NVL: variants seen among roughly 807,000 people sequenced by gnomAD.
NVL encodes nuclear VCP like, also known as nuclear valosin-containing protein-like.
In NVL, 84 loss-of-function variants were observed where a neutral mutation model predicts 110.2. That is an observed-to-expected ratio of 0.76 (90% CI 0.64 to 0.91). The LOEUF is 0.91. Among genes scored for constraint, NVL ranks in the 40% least tolerant of loss-of-function variants. NVL has a pLI of 0.00. For missense variants in NVL, 882 were observed against 1,035.9 expected, an observed-to-expected ratio of 0.85 and a Z score of 2.04; for synonymous variants, 354 against 361.1, an observed-to-expected ratio of 0.98 and a Z score of 0.22.
rs959920773 is a variant in NVL, at chr1:224,284,222, G to A, written c.1899+1804C>T. On this transcript the variant is annotated intron_variant, in intron 15 of 22. Transcript: ENST00000281701. ...AGGTGTCAAACATGGTTACAGTCAA[G>A]ATAAACTAATCAACATTTATAAATA... Among the ~76,000 whole-genome samples, 5 of 151,952 alleles carry A rather than the reference G, an allele frequency of 3.3e-5. 1 individual carries two copies. The highest frequency in any genetic ancestry group is 1.3e-4 in the Admixed American group (2 of 15,280).
intron 6 of NVL, among the ~76,000 whole-genome samples, chr1:224,306,272 A>AT (rs976159057): frequency 5.9e-4 from 87 of 147,826 alleles, no homozygotes; most frequent in South Asian, 2.1e-3. Flanking sequence ...TTAAAAAAAA[A>AT]TTTTTTTTTT....
chr1:224,250,286 G>A lies in NVL; in HGVS notation c.2215C>T (p.Arg739Cys). 4 of 1,601,812 alleles carry A rather than the reference G, an allele frequency of 2.5e-6. No individual in the cohort carries two copies. The highest frequency in any genetic ancestry group is 2.6e-6 in the Non-Finnish European group (3 of 1,175,584). The change falls in exon 19 of 23, where the codon CGC becomes TGC. Residue 739 changes from arginine to cysteine, a missense_variant. By Grantham distance (180) the Arg-to-Cys change is radical (BLOSUM62 -3). Coordinates refer to ENST00000281701, the MANE Select transcript of NVL (RefSeq NM_002533.4). ...CCCACAAACAGTGTTTTGTCCAGGC[G>A]GCCCGGGCGCAGGATTGCAGGGTCA... ...IIDPAILRPG[R>C]LDKTLFVGLP... is the part of the protein sequence containing the mutation.
chr1:224,230,092 G>C (rs970176798), intron 22 of NVL, among the ~76,000 whole-genome samples: 4 of 152,250 alleles, frequency 2.6e-5, no homozygotes, highest in African/African-American at 9.6e-5. Context: ...TCTGCCTCCT[G>C]AGTAGCTGAG....
intron 10 of NVL, among the ~76,000 whole-genome samples, 165 bp from the exon 11 acceptor site, chr1:224,296,783 G>C (rs576399322): frequency 6.6e-6 from 1 of 152,256 alleles, no homozygotes; most frequent in East Asian, 1.9e-4. Flanking sequence ...ATTTTTACCT[G>C]ACTTAAGAGA....
At chr1:224,323,531 T>C (rs548992106) in intron 2 of NVL, among the ~76,000 whole-genome samples, 14 of 152,300 alleles carry the variant, frequency 9.2e-5, no homozygotes, top group African/African-American at 3.1e-4. Context: ...ACAGAAACAC[T>C]GCCAGCTTGG....
chr1:224,307,153 T>C (rs1394285541), intron 6 of NVL, among the ~76,000 whole-genome samples: 2 of 152,226 alleles, frequency 1.3e-5, no homozygotes, highest in Admixed American at 1.3e-4. Flanking sequence ...ATTCTATTTT[T>C]TTAGTGAGTC....
In NVL at chr1:224,236,564, G is replaced by C. The variant is rs764585473; in HGVS notation, c.2308C>G (p.Leu770Val). The C allele has an allele frequency of 6.2e-7, 1 of 1,613,588 alleles. No individual in the cohort carries two copies. The highest frequency in any genetic ancestry group is 1.3e-5 in the African/African-American group (1 of 74,900). Residue 770 changes from leucine (L) to valine (V), a missense_variant, in exon 20 of 23, where the codon CTG becomes GTG. By Grantham distance (32) the Leu-to-Val change is conservative. Coordinates refer to ENST00000281701, the MANE Select transcript of NVL (RefSeq NM_002533.4). ...GCTTCCAAATTTACATCTGCATCCA[G>C]TGGTGGTTTGGTACCATTCTAAGTA... ...TITKNGTKPPLDADVNLEAIA... is the reference protein window; with the variant it reads ...TITKNGTKPPVDADVNLEAIA...
chr1:224,310,016 G>A (rs549979354), intron 5 of NVL, among the ~76,000 whole-genome samples: 4 of 150,732 alleles, frequency 2.7e-5, no homozygotes, highest in Non-Finnish European at 4.4e-5. Context: ...GTGACAGAGC[G>A]AGACCCTGCC....
chr1:224,281,288 T>C (rs995297079), intron 15 of NVL, 103 bp from the exon 16 acceptor site: 24 of 715,334 alleles, frequency 3.4e-5, no homozygotes, highest in African/African-American at 2.8e-4. Flanking sequence ...TGTGTGCGTG[T>C]GTGTGTGTGT....
At chr1:224,312,835 A>G (rs1168656328) in intron 4 of NVL, 2 of 150,438 alleles carry the variant, frequency 1.3e-5, no homozygotes, top group African/African-American at 4.9e-5. Flanking sequence ...AAAAAAAAAA[A>G]CTATTTAAAT....
intron 17 of NVL, among the ~76,000 whole-genome samples, chr1:224,273,681 G>A (rs1275925334): frequency 1.3e-5 from 2 of 152,124 alleles, no homozygotes; most frequent in Non-Finnish European, 2.9e-5. Flanking sequence ...CATGGCAAAA[G>A]AGAGAGAATA....
chr1:224,256,415 G>T (rs1302121018), intron 18 of NVL, among the ~76,000 whole-genome samples: 1 of 102,428 alleles, frequency 9.8e-6, no homozygotes, highest in Non-Finnish European at 1.8e-5. Context: ...ACAGGGTGAG[G>T]CTCCATCTAA....
intron 6 of NVL, among the ~76,000 whole-genome samples, chr1:224,305,920 G>A (rs2102708657): frequency 6.6e-6 from 1 of 152,338 alleles, no homozygotes; most frequent in East Asian, 1.9e-4. Flanking sequence ...GGAATAATCT[G>A]CCTTGTATGA....
Position 224,250,333 on chromosome 1 carries a change from A to G in NVL, c.2183-15T>C. ...GTCAATTATATCTAGAGAAGAAGGG[A>G]GAAAAAAAGTCTTAAATAAAACCTT... is the stretch of plus-strand genomic sequence containing the variant. On this transcript the variant is annotated splice_polypyrimidine_tract_variant and intron_variant, in intron 18 of 22. Coordinates refer to ENST00000281701, the MANE Select transcript of NVL (RefSeq NM_002533.4). The G allele has an allele frequency of 1.3e-6, 2 of 1,532,536 alleles. No homozygotes were observed. The highest frequency in any genetic ancestry group is 1.7e-6 in the Non-Finnish European group (2 of 1,145,746). The allele number at this position is 1,532,536 out of a possible 1,614,324, so 94.9% of individuals were successfully genotyped here.
At position 224,289,520 on chromosome 1, in the gene NVL, C is replaced by T. The variant is rs1289045382; in HGVS notation, c.1539G>A (p.Glu513=). The part of the protein sequence containing the change: ...MEDLPSKGVQ[E]ERLGTEPTSE... ...AAGTGGGCTCAGTTCCCAGCCTTTC[C>T]TCCTGGACTCCTTTAGATGGCAAAT... Residue 513 remains glutamate (E), a synonymous_variant, in exon 13 of 23, where the codon GAG becomes GAA. Transcript: ENST00000281701. 2.5e-6 allele frequency: 4 copies of T among 1,614,240 alleles called. No individual in the cohort carries two copies. In the South Asian group the frequency reaches 3.3e-5, roughly 13 times the overall value.
intron 17 of NVL, among the ~76,000 whole-genome samples, chr1:224,271,313 C>G (rs547819702): frequency 1.2e-4 from 18 of 151,994 alleles, no homozygotes; most frequent in African/African-American, 4.1e-4. Context: ...GGCAACACAG[C>G]AAGATCCCAC....
chr1:224,242,013 C>G (rs1241776764), intron 19 of NVL, among the ~76,000 whole-genome samples: 1 of 151,280 alleles, frequency 6.6e-6, no homozygotes, highest in Non-Finnish European at 1.5e-5. Context: ...GCCTGGACAT[C>G]AAGACCAAAA....
intron 18 of NVL, among the ~76,000 whole-genome samples, chr1:224,254,381 G>C (rs1662903274): frequency 7.4e-6 from 1 of 134,606 alleles, no homozygotes; most frequent in Non-Finnish European, 1.5e-5. Flanking sequence ...ATGAGCCACA[G>C]TGCCTGGCAT....
At chr1:224,250,782 G>A (rs1265588043) in intron 18 of NVL, among the ~76,000 whole-genome samples, 1 of 152,014 alleles carries the variant, frequency 6.6e-6, no homozygotes, top group Non-Finnish European at 1.5e-5. Context: ...TCATAGCTTA[G>A]CTCCCACTTA....
Sources: allele counts gnomAD v4.1 joint callset (sites outside exome capture counted in the v4.1 genomes callset), GRCh38; gene constraint gnomAD v4.1.1; transcripts MANE v1.5; gene names NCBI Gene and HGNC (gene_info 2026-07-23, HGNC 2026-07-21).